ANKRD31: variants seen among roughly 807,000 people sequenced by gnomAD.
ANKRD31 encodes ankyrin repeat domain 31.
Under a neutral mutation model 186.0 loss-of-function variants are expected in ANKRD31, and 147 were observed. The observed-to-expected ratio is 0.79, with a 90% confidence interval of 0.69 to 0.91. The LOEUF is 0.91. Ranked by LOEUF, ANKRD31 falls within the 40% of genes least tolerant of loss-of-function variation. The pLI is 0.00. For missense variants in ANKRD31, 1,986 were observed against 2,148.8 expected, an observed-to-expected ratio of 0.92 and a Z score of 1.50; for synonymous variants, 673 against 736.4, an observed-to-expected ratio of 0.91 and a Z score of 1.39.
chr5:75,141,909 G>T (rs1434675407), intron 15 of ANKRD31, among the ~76,000 whole-genome samples: 4 of 152,004 alleles, frequency 2.6e-5, no homozygotes, highest in Admixed American at 2.6e-4. Flanking sequence ...TATACATTTT[G>T]GAGCAAAAAC....
chr5:75,178,781 A>T (rs1754030334), intron 10 of ANKRD31, among the ~76,000 whole-genome samples: 2 of 152,236 alleles, frequency 1.3e-5, no homozygotes, highest in Admixed American at 6.5e-5. Context: ...AAGAGAAAGC[A>T]GGAAACATCT....
intron 25 of ANKRD31, among the ~76,000 whole-genome samples, chr5:75,073,861 T>A (rs528538287): frequency 2.2e-4 from 34 of 152,324 alleles, no homozygotes; most frequent in African/African-American, 6.7e-4. Flanking sequence ...CTCCTCTTTT[T>A]AAAAAATTTT....
In ANKRD31 at chr5:75,088,365, C is replaced by G. The variant is rs559890091; in HGVS notation, c.5472+2896G>C. Among the ~76,000 whole-genome samples the G allele has an allele frequency of 3.3e-5, 5 of 152,328 alleles. No homozygotes were observed. The East Asian group carries it at 9.6e-4, about 29-fold the overall frequency. Reference sequence around the variant, plus strand: ...AAGTATGTTTGCAGAAGAGATCTGTCTAGTGTTCCTTGAAGCACTGCCTAA... The same window carrying G: ...AAGTATGTTTGCAGAAGAGATCTGTGTAGTGTTCCTTGAAGCACTGCCTAA... On this transcript the variant is annotated intron_variant, in intron 23 of 25. Coordinates refer to ENST00000506364, the MANE Select transcript of ANKRD31 (RefSeq NM_001372053.1).
intron 25 of ANKRD31, among the ~76,000 whole-genome samples, chr5:75,071,775 G>A (rs1744249927): frequency 6.6e-6 from 1 of 152,066 alleles, no homozygotes; most frequent in South Asian, 2.1e-4. Flanking sequence ...TCGGATTACA[G>A]GTATGAGCCA....
intron 24 of ANKRD31, among the ~76,000 whole-genome samples, chr5:75,081,555 C>T (rs1189212759): frequency 6.6e-6 from 1 of 152,150 alleles, no homozygotes; most frequent in African/African-American, 2.4e-5. Flanking sequence ...ATCTGAGGAA[C>T]AGATGACCTT....
rs1416449338 is a variant in ANKRD31, at chr5:75,188,578, T to A, written c.1479A>T (p.Val493=). 1 of 1,536,194 alleles carries A rather than the reference T, an allele frequency of 6.5e-7. No homozygotes were observed. The highest frequency in any genetic ancestry group is 2.0e-5 in the Admixed American group (1 of 50,952). The change falls in exon 10 of 26, where the codon GTA becomes GTT. Residue 493 remains valine (V), a synonymous_variant. Transcript: ENST00000506364. ...CATCATCGTGTAGAGCAGCCTTATA[T>A]ACTAAGTTCTCTCCAAAAATGTTTC... ...NRRNIFGENL[V]YKAALHDDAD...
At chr5:75,190,681 T>C (rs1234172297) in intron 9 of ANKRD31, among the ~76,000 whole-genome samples, 1 of 150,436 alleles carries the variant, frequency 6.6e-6, no homozygotes, top group East Asian at 1.9e-4. Context: ...ATGTTCTTTT[T>C]ACTTTTTTCC....
At chr5:75,164,604 A>C (rs1232112074) in intron 11 of ANKRD31, among the ~76,000 whole-genome samples, 1 of 152,184 alleles carries the variant, frequency 6.6e-6, no homozygotes, top group Non-Finnish European at 1.5e-5. Context: ...TGCCAAAGTA[A>C]TGTATTCACT....
intron 21 of ANKRD31, among the ~76,000 whole-genome samples, chr5:75,107,033 T>C (rs1239904377): frequency 1.3e-5 from 2 of 151,622 alleles, no homozygotes; most frequent in Admixed American, 1.3e-4. Context: ...CATGTAACAT[T>C]TTTTTCACAA....
intron 7 of ANKRD31, among the ~76,000 whole-genome samples, chr5:75,194,664 A>G (rs1478137635): frequency 6.6e-6 from 1 of 152,190 alleles, no homozygotes; most frequent in East Asian, 1.9e-4. Context: ...ATATATTCAC[A>G]CAGTGGAATA....
At chr5:75,194,216 A>G (rs992124799) in intron 7 of ANKRD31, among the ~76,000 whole-genome samples, 1 of 152,114 alleles carries the variant, frequency 6.6e-6, no homozygotes, top group African/African-American at 2.4e-5. Flanking sequence ...TATTTTTATT[A>G]CAGCTGAGTA....
chr5:75,167,554 G>T (rs990672776), intron 11 of ANKRD31, among the ~76,000 whole-genome samples: 30 of 152,268 alleles, frequency 2.0e-4, no homozygotes, highest in African/African-American at 6.0e-4. Flanking sequence ...ATGCCATGGT[G>T]CCAAGAGCAT....
chr5:75,217,047 T>G (rs555305796), intron 3 of ANKRD31, among the ~76,000 whole-genome samples: 1 of 152,342 alleles, frequency 6.6e-6, no homozygotes, highest in Non-Finnish European at 1.5e-5. Flanking sequence ...AGCAATTTTC[T>G]TGGCCTTGAC....
intron 10 of ANKRD31, among the ~76,000 whole-genome samples, chr5:75,177,291 C>T (rs548215921): frequency 6.6e-6 from 1 of 152,246 alleles, no homozygotes; most frequent in African/African-American, 2.4e-5. Context: ...AGAATGGAAC[C>T]AAGTTGGAAA....
chr5:75,185,470 A>T (rs1754639751), intron 10 of ANKRD31, among the ~76,000 whole-genome samples: 1 of 152,136 alleles, frequency 6.6e-6, no homozygotes, highest in Non-Finnish European at 1.5e-5. Flanking sequence ...AGAAAGGAGA[A>T]TCGCTTGAAT....
At chr5:75,098,628 C>T (rs1036035200) in intron 22 of ANKRD31, among the ~76,000 whole-genome samples, 8 of 152,050 alleles carry the variant, frequency 5.3e-5, no homozygotes, top group Non-Finnish European at 8.8e-5. Context: ...TTGTAGTTCT[C>T]CTTGAAGATG....
intron 22 of ANKRD31, among the ~76,000 whole-genome samples, chr5:75,103,224 T>C (rs759382916): frequency 1.3e-5 from 2 of 152,150 alleles, no homozygotes; most frequent in Non-Finnish European, 2.9e-5. Context: ...AAGGCATTCA[T>C]ATGGCCAACA....
At chr5:75,139,122 T>C (rs1750822388) in intron 15 of ANKRD31, 139 bp from the exon 16 acceptor site, 1 of 990,404 alleles carries the variant, frequency 1.0e-6, no homozygotes, top group African/African-American at 1.6e-5. Flanking sequence ...ATTGCTGTTA[T>C]TGTTTTAATA....
At chr5:75,111,208 A>G (rs1169717314) in intron 20 of ANKRD31, among the ~76,000 whole-genome samples, 1 of 152,118 alleles carries the variant, frequency 6.6e-6, no homozygotes, top group Non-Finnish European at 1.5e-5. Flanking sequence ...TAGACAAAAA[A>G]AAAAATGTGG....
Sources: allele counts gnomAD v4.1 joint callset (sites outside exome capture counted in the v4.1 genomes callset), GRCh38; gene constraint gnomAD v4.1.1; transcripts MANE v1.5; gene names NCBI Gene and HGNC (gene_info 2026-07-23, HGNC 2026-07-21).